Variants in MTA3 observed in about 807,000 individuals in gnomAD.
The protein encoded by MTA3 is metastasis-associated protein MTA3.
Under a neutral mutation model 83.5 loss-of-function variants are expected in MTA3, and 34 were observed. That is an observed-to-expected ratio of 0.41 (90% CI 0.31 to 0.54). The LOEUF (loss-of-function observed/expected upper bound fraction) is 0.54, where lower values mean the gene tolerates loss of function less well. MTA3 is among the 20% of genes least tolerant of loss of function. The pLI is 0.33. For missense variants in MTA3, 761 were observed against 726.4 expected, an observed-to-expected ratio of 1.05 and a Z score of -0.55; for synonymous variants, 303 against 252.7, an observed-to-expected ratio of 1.20 and a Z score of -1.89.
intron 5 of MTA3, 84 bp downstream of exon 5, chr2:42,640,320 C>G (rs1687594766): frequency 1.2e-5 from 12 of 971,158 alleles, no homozygotes; most frequent in Non-Finnish European, 1.8e-5. Context: ...TCTTTTTGTA[C>G]AAAAGTATTA....
chr2:42,705,840 C>T (rs1666034665), intron 12 of MTA3, among the ~76,000 whole-genome samples: 1 of 152,004 alleles, frequency 6.6e-6, no homozygotes, highest in Non-Finnish European at 1.5e-5. Flanking sequence ...TTACTTTAGA[C>T]TCATGTATTA....
At position 42,557,403 on chromosome 2, in the gene MTA3, C is replaced by T. The variant is rs1301765362; in HGVS notation, c.-140-13034C>T. On this transcript the variant is annotated intron_variant, in intron 2 of 17. Coordinates refer to the MTA3 transcript ENST00000405592. Reference sequence around the variant, plus strand: ...GGAGTCAGGGCTTCCAGAAGACGTACATTATGTCTCCTCTTACAGAAAGGA... The same window carrying T: ...GGAGTCAGGGCTTCCAGAAGACGTATATTATGTCTCCTCTTACAGAAAGGA... Among the ~76,000 whole-genome samples the T allele has an allele frequency of 3.9e-5, 6 of 152,098 alleles. No homozygotes were observed. In the East Asian group the frequency reaches 1.2e-3, roughly 29 times the overall value.
intron 3 of MTA3, among the ~76,000 whole-genome samples, chr2:42,607,130 G>A (rs1683564172): frequency 6.6e-6 from 1 of 152,066 alleles, no homozygotes; most frequent in Non-Finnish European, 1.5e-5. Context: ...AGAGGTAGAG[G>A]GTAGAGCTCT....
rs1415995246 is a variant in MTA3, at chr2:42,740,717, G to C, written c.1760-12657G>C. On this transcript the variant is annotated intron_variant, in intron 16 of 16. Transcript: ENST00000405094. ...CCTAAGCAGTAGGTCTCAACAGCAA[G>C]CTTAAGATATTCCGTAAACCATGCT... Among the ~76,000 whole-genome samples the C allele has an allele frequency of 2.6e-5, 4 of 152,368 alleles. No individual in the cohort carries two copies. The East Asian group carries it at 7.7e-4, about 29-fold the overall frequency.
intron 14 of MTA3, among the ~76,000 whole-genome samples, chr2:42,713,557 A>G (rs1450677435): frequency 1.3e-5 from 2 of 152,202 alleles, no homozygotes; most frequent in Non-Finnish European, 2.9e-5. Context: ...TACAAATCTC[A>G]TCACGTTCCT....
Position 42,644,824 on chromosome 2 carries a change from T to C in MTA3, c.499+580T>C, listed in dbSNP as rs1307312287. 4.6e-5 allele frequency among the ~76,000 whole-genome samples: 7 copies of C among 152,178 alleles called. No homozygotes were observed. The South Asian group carries it at 1.2e-3, about 27-fold the overall frequency. ...TACCCATATGAAAGGATAAACTGAA[T>C]TGATAAATGCTGTGTGTTCTGAGTG... is the stretch of plus-strand genomic sequence containing the variant. On this transcript the variant is annotated intron_variant, in intron 6 of 16. Transcript: ENST00000405094.
chr2:42,602,584 T>C lies in MTA3; in HGVS notation c.191-6874T>C, dbSNP rs560891198. On this transcript the variant is annotated intron_variant, in intron 3 of 16. Transcript: ENST00000405094. ...TTCAGTCTTTTAAATTTTTAGCTAT[T>C]ATGGTACCATAAGTTTAATGCTTCA... Among the ~76,000 whole-genome samples, 15 of 152,268 alleles carry C rather than the reference T, an allele frequency of 9.9e-5. 1 individual carries two copies. The South Asian group carries it at 3.1e-3, about 32-fold the overall frequency.
chr2:42,537,285 C>A (rs1387734860), intron 2 of MTA3, among the ~76,000 whole-genome samples: 1 of 152,084 alleles, frequency 6.6e-6, no homozygotes, highest in Non-Finnish European at 1.5e-5. Flanking sequence ...CAATGTTGGC[C>A]AGGTGCAGTG....
chr2:42,603,692 C>T (rs776892574), intron 3 of MTA3, among the ~76,000 whole-genome samples: 13 of 152,180 alleles, frequency 8.5e-5, no homozygotes, highest in Non-Finnish European at 1.9e-4. Context: ...ATTTCTTTTG[C>T]ATTTAGTTCA....
chr2:42,614,988 A>AAC (rs1553362707), intron 4 of MTA3, among the ~76,000 whole-genome samples: 2 of 150,708 alleles, frequency 1.3e-5, no homozygotes, highest in Admixed American at 1.3e-4. Flanking sequence ...AAAAAAAAAA[A>AAC]AACAAAAAGC....
intron 6 of MTA3, among the ~76,000 whole-genome samples, chr2:42,648,446 G>T (rs1374594730): frequency 3.3e-5 from 5 of 152,120 alleles, no homozygotes; most frequent in African/African-American, 1.2e-4. Flanking sequence ...TAATATCTTG[G>T]GTAGGTGGCA....
upstream of MTA3, among the ~76,000 whole-genome samples, chr2:42,565,964 G>A (rs1572992600): frequency 6.6e-6 from 1 of 152,020 alleles, no homozygotes; most frequent in South Asian, 2.1e-4. Flanking sequence ...AATCCGAATC[G>A]TGCCATTGCA....
chr2:42,527,206 C>G (rs1675756459), intron 2 of MTA3, among the ~76,000 whole-genome samples: 1 of 152,074 alleles, frequency 6.6e-6, no homozygotes, highest in Admixed American at 6.6e-5. Context: ...ACTGAACCAA[C>G]CAATCAGGCC....
At position 42,754,410 on chromosome 2, in the gene MTA3, G is replaced by T; in HGVS notation, c.*1011G>T. The T allele has an allele frequency of 1.0e-6, 1 of 985,456 alleles. No individual in the cohort carries two copies. The highest frequency in any genetic ancestry group is 1.2e-6 in the Non-Finnish European group (1 of 830,004). 61.0% of individuals were successfully genotyped at this position (985,456 alleles called of 1,614,324 possible). On this transcript the variant is annotated 3_prime_UTR_variant, in exon 17 of 17. Transcript: ENST00000405094. ...CCAGCCCAACATCTTGTGAGCACAT[G>T]TGACCTAGGCCCCGGGGGACCTGCC...
intron 3 of MTA3, among the ~76,000 whole-genome samples, chr2:42,595,235 G>A (rs540334769): frequency 4.9e-4 from 70 of 143,596 alleles, no homozygotes; most frequent in African/African-American, 1.7e-3. Context: ...TCAGCCTCCC[G>A]AGTAGCTGGG....
At chr2:42,548,862 A>AT (rs1676918044) in intron 2 of MTA3, among the ~76,000 whole-genome samples, 1 of 8,842 alleles carries the variant, frequency 1.1e-4, no homozygotes, top group African/African-American at 9.4e-4. Context: ...TATATATAAT[A>AT]TATATATATA....
intron 6 of MTA3, among the ~76,000 whole-genome samples, chr2:42,647,851 T>G (rs1573464621): frequency 6.6e-6 from 1 of 152,210 alleles, no homozygotes; most frequent in East Asian, 1.9e-4. Context: ...ACTCTTCTTT[T>G]TTTTGAAATG....
At chr2:42,525,650 T>C (rs542935357) in intron 2 of MTA3, among the ~76,000 whole-genome samples, 70 of 132,944 alleles carry the variant, frequency 5.3e-4, no homozygotes, top group Admixed American at 5.3e-4. Flanking sequence ...TTCTTTCTTT[T>C]TTTCCTTCTT....
intron 2 of MTA3, among the ~76,000 whole-genome samples, chr2:42,551,281 T>C (rs1394375420): frequency 6.6e-6 from 1 of 151,804 alleles, no homozygotes; most frequent in East Asian, 2.0e-4. Context: ...ACCTCTGTCT[T>C]CTAGGTTCAA....
Sources: gnomAD v4.1 joint callset for allele counts (sites outside exome capture counted in the v4.1 genomes callset) on GRCh38, gnomAD v4.1.1 for gene constraint, MANE v1.5 for transcripts, NCBI Gene and HGNC (gene_info 2026-07-23, HGNC 2026-07-21) for gene names.